DAB1: variants seen among roughly 807,000 people sequenced by gnomAD.
The protein encoded by DAB1 is disabled homolog 1.
In DAB1, 15 loss-of-function variants were observed where a neutral mutation model predicts 64.6. That is an observed-to-expected ratio of 0.23 (90% CI 0.16 to 0.36). The LOEUF is 0.36. DAB1 is among the 10% of genes least tolerant of loss of function. The probability of loss-of-function intolerance (pLI) is 1.00; values close to 1 mark genes in which losing one functional copy is unlikely to be tolerated. For synonymous variants in DAB1, 235 were observed against 251.9 expected, an observed-to-expected ratio of 0.93 and a Z score of 0.64; for missense variants, 596 against 706.7, an observed-to-expected ratio of 0.84 and a Z score of 1.78.
intron 5 of DAB1, among the ~76,000 whole-genome samples, chr1:57,894,285 G>C (rs1292032282): frequency 6.6e-6 from 1 of 152,070 alleles, no homozygotes; most frequent in African/African-American, 2.4e-5. Flanking sequence ...TCGGCTTTCT[G>C]TCCCTCAGTC....
At position 57,071,575 on chromosome 1, in the gene DAB1, C is replaced by A; in HGVS notation, c.505G>T (p.Glu169Ter). The part of the protein sequence containing the change: ...QLIYELKQRE[E>*]LEKKAQKDKQ... ...TCCTTTTGTGCCTTTTTTTCTAATT[C>A]TTCTCTTTGCTTCAATTCATAAATG... is the stretch of plus-strand genomic sequence containing the variant. Residue 169 changes from glutamate to a stop codon, truncating the protein, a stop_gained, in exon 6 of 15, where the codon GAA becomes TAA. Transcript: ENST00000371236. LOFTEE classifies it high-confidence loss of function. 1 of 1,613,578 alleles carries A rather than the reference C, an allele frequency of 6.2e-7. No homozygotes were observed. The highest frequency in any genetic ancestry group is 8.5e-7 in the Non-Finnish European group (1 of 1,179,798).
chr1:57,091,731 T>A (rs1287017167), intron 4 of DAB1, among the ~76,000 whole-genome samples: 1 of 152,232 alleles, frequency 6.6e-6, no homozygotes, highest in Non-Finnish European at 1.5e-5. Flanking sequence ...TGCTTATCTG[T>A]AAAACATGGA....
At chr1:58,054,907 T>C (rs1186437458) in intron 5 of DAB1, among the ~76,000 whole-genome samples, 5 of 152,220 alleles carry the variant, frequency 3.3e-5, no homozygotes, top group Non-Finnish European at 2.9e-5. Flanking sequence ...TGTCAAGCAA[T>C]GGTCCAGCAC....
intron 3 of DAB1, among the ~76,000 whole-genome samples, chr1:58,439,487 A>G (rs570170288): frequency 6.6e-6 from 1 of 152,348 alleles, no homozygotes; most frequent in Admixed American, 6.5e-5. Flanking sequence ...CTTTTTGAGA[A>G]CAGAGATTGT....
chr1:57,819,318 T>C (rs1432478088), intron 6 of DAB1, among the ~76,000 whole-genome samples: 1 of 152,216 alleles, frequency 6.6e-6, no homozygotes, highest in Non-Finnish European at 1.5e-5. Flanking sequence ...CCAGACCTTT[T>C]GCTATTCATT....
intron 4 of DAB1, among the ~76,000 whole-genome samples, chr1:58,320,226 A>G (rs891446086): frequency 2.6e-5 from 4 of 152,230 alleles, no homozygotes; most frequent in Non-Finnish European, 4.4e-5. Flanking sequence ...GGAAGGACAT[A>G]TGGAAGGGCT....
chr1:57,244,240 T>C (rs1350484001), intron 2 of DAB1, among the ~76,000 whole-genome samples: 1 of 152,236 alleles, frequency 6.6e-6, no homozygotes, highest in Admixed American at 6.5e-5. Context: ...GAATAAACAG[T>C]GAGCTTGCAA....
intron 7 of DAB1, among the ~76,000 whole-genome samples, chr1:57,645,332 A>T (rs938478257): frequency 4.6e-5 from 7 of 152,140 alleles, no homozygotes; most frequent in Non-Finnish European, 1.0e-4. Context: ...AGAAGCTTAG[A>T]AACCTAGCAG....
At chr1:57,376,521 T>G (rs1465888243) in intron 1 of DAB1, among the ~76,000 whole-genome samples, 4 of 152,252 alleles carry the variant, frequency 2.6e-5, no homozygotes, top group Non-Finnish European at 5.9e-5. Context: ...TTTGTATCTC[T>G]AGTGCCTAGA....
chr1:57,334,791 C>T (rs1676949586), intron 1 of DAB1, among the ~76,000 whole-genome samples: 1 of 152,136 alleles, frequency 6.6e-6, no homozygotes, highest in Non-Finnish European at 1.5e-5. Flanking sequence ...ATGGGTGAAC[C>T]TGCCTAAGGT....
chr1:57,387,976 C>T (rs969317319), intron 1 of DAB1, among the ~76,000 whole-genome samples: 1 of 152,262 alleles, frequency 6.6e-6, no homozygotes, highest in East Asian at 1.9e-4. Context: ...TGTCTTCTTC[C>T]TCCACTCTTT....
intron 4 of DAB1, among the ~76,000 whole-genome samples, chr1:58,245,876 G>A (rs913545010): frequency 7.2e-5 from 11 of 152,064 alleles, no homozygotes; most frequent in East Asian, 1.9e-4. Context: ...TTCCATAGTC[G>A]TTGGGCACAT....
intron 5 of DAB1, among the ~76,000 whole-genome samples, chr1:58,085,761 C>A (rs1650262342): frequency 6.6e-6 from 1 of 152,066 alleles, no homozygotes; most frequent in Admixed American, 6.5e-5. Flanking sequence ...ACGCTCCAAC[C>A]CTCACCCACT....
At chr1:57,396,874 T>C (rs1246601327) in intron 1 of DAB1, among the ~76,000 whole-genome samples, 1 of 152,202 alleles carries the variant, frequency 6.6e-6, no homozygotes, top group Non-Finnish European at 1.5e-5. Flanking sequence ...ATCTTTATTA[T>C]ATAGAATGAT....
chr1:57,112,371 A>G (rs930754406), intron 4 of DAB1, among the ~76,000 whole-genome samples: 1 of 152,178 alleles, frequency 6.6e-6, no homozygotes, highest in Admixed American at 6.5e-5. Context: ...CAATTTCCAC[A>G]ATGGTCTTCT....
At chr1:57,852,827 TG>T (rs1483163038) in intron 1 of DAB1, among the ~76,000 whole-genome samples, 1 of 152,158 alleles carries the variant, frequency 6.6e-6, no homozygotes, top group Non-Finnish European at 1.5e-5. Context: ...ATCTCCCTCC[TG>T]CAGAATGGAA....
At chr1:57,243,770 G>A (rs990055468) in intron 2 of DAB1, among the ~76,000 whole-genome samples, 3 of 152,108 alleles carry the variant, frequency 2.0e-5, no homozygotes, top group Non-Finnish European at 4.4e-5. Context: ...CATAAGCAGC[G>A]CTGGTGGTCG....
intron 1 of DAB1, among the ~76,000 whole-genome samples, chr1:57,837,799 C>T (rs1283934250): frequency 2.1e-5 from 3 of 142,614 alleles, no homozygotes; most frequent in Admixed American, 1.4e-4. Flanking sequence ...ACCACCCCCA[C>T]CTCCACCCCC....
intron 9 of DAB1, among the ~76,000 whole-genome samples, chr1:57,029,326 G>T (rs1022659948): frequency 2.0e-5 from 3 of 152,194 alleles, no homozygotes; most frequent in Admixed American, 2.0e-4. Flanking sequence ...ATGATGTATG[G>T]AAATGCCTGG....
Sources: gnomAD v4.1 joint callset for allele counts (sites outside exome capture counted in the v4.1 genomes callset) on GRCh38, gnomAD v4.1.1 for gene constraint, MANE v1.5 for transcripts, NCBI Gene and HGNC (gene_info 2026-07-23, HGNC 2026-07-21) for gene names.